Variants in RELN observed in about 807,000 individuals in gnomAD.
RELN encodes the protein reelin.
In RELN, 108 loss-of-function variants were observed where a neutral mutation model predicts 427.6. That is an observed-to-expected ratio of 0.25 (90% CI 0.22 to 0.30). The LOEUF is 0.30. Among genes scored for constraint, RELN ranks in the 10% least tolerant of loss-of-function variants. The pLI, the probability that RELN is intolerant of heterozygous loss-of-function variation, is 1.00. For synonymous variants in RELN, 1,524 were observed against 1,513.4 expected (o/e 1.01, Z -0.16); for missense variants, 3,715 against 4,302.8 (o/e 0.86, Z 3.82).
chr7:103,542,967 T>C (rs1481759486), intron 42 of RELN, 89 bp from the exon 43 acceptor site: 10 of 1,340,322 alleles, frequency 7.5e-6, no homozygotes, highest in Non-Finnish European at 1.1e-5. Context: ...AAATGCATTA[T>C]GTAGTTTCAA....
rs963575062 is a variant in RELN, at chr7:103,538,423, A to C, written c.7180+655T>G. ...CAAGTGTGCAATGATGCCAGCTTTT[A>C]TCTCTCCTACGATGGGTCTGTGTGA... On this transcript the variant is annotated intron_variant, in intron 45 of 64. Transcript: ENST00000428762. Among the ~76,000 whole-genome samples, 28 of 152,254 alleles carry C rather than the reference A, an allele frequency of 1.8e-4. 1 individual carries two copies. The East Asian group carries it at 4.4e-3, about 24-fold the overall frequency.
intron 49 of RELN, among the ~76,000 whole-genome samples, chr7:103,517,145 T>A (rs1464131003): frequency 1.3e-5 from 2 of 151,646 alleles, no homozygotes; most frequent in Non-Finnish European, 2.9e-5. Context: ...CTCATTTATG[T>A]CAATTTTGAA....
chr7:103,702,327 G>A (rs973965057), intron 8 of RELN, among the ~76,000 whole-genome samples: 1 of 152,190 alleles, frequency 6.6e-6, no homozygotes, highest in African/African-American at 2.4e-5. Flanking sequence ...GTTCAAATTA[G>A]CCTCAAGAAT....
rs1797180374 is a variant in RELN at position 103,989,460 on chromosome 7, A to C, written c.-104T>G. 2 of 1,036,902 alleles carry C rather than the reference A, an allele frequency of 1.9e-6. No homozygotes were observed. Among genetic ancestry groups the C allele is most frequent in the South Asian group, 2.4e-5 (1 of 41,080 alleles). 64.2% of individuals were successfully genotyped at this position (1,036,902 alleles called of 1,614,324 possible). On this transcript the variant is annotated 5_prime_UTR_variant, in exon 1 of 65. Coordinates refer to ENST00000428762, the MANE Select transcript of RELN (RefSeq NM_005045.4). The surrounding 1 kb of genome is among the most constrained non-coding windows in gnomAD (Gnocchi z 4.9). ...GCCACGCGGAGAGAAGGCGAGAAGAAGGCGGACGGGAGCGGAACGGGCTCG... is the reference window on the plus strand; with the variant it reads ...GCCACGCGGAGAGAAGGCGAGAAGACGGCGGACGGGAGCGGAACGGGCTCG...
intron 40 of RELN, among the ~76,000 whole-genome samples, chr7:103,552,950 T>G (rs1251560885): frequency 2.0e-5 from 3 of 152,100 alleles, no homozygotes; most frequent in African/African-American, 7.2e-5. Flanking sequence ...AATATTTTTA[T>G]GTTAATTATT....
At chr7:103,870,096 G>C (rs1794294180) in intron 2 of RELN, among the ~76,000 whole-genome samples, 1 of 151,918 alleles carries the variant, frequency 6.6e-6, no homozygotes, top group Non-Finnish European at 1.5e-5. Context: ...TTTTATTACA[G>C]TTTATTTTTC....
intron 9 of RELN, among the ~76,000 whole-genome samples, chr7:103,698,494 T>C (rs978716464): frequency 3.3e-5 from 5 of 152,096 alleles, no homozygotes; most frequent in African/African-American, 7.2e-5. Context: ...TACCCAATAA[T>C]AAGGATAAAA....
chr7:103,612,185 G>A (rs2117292712), intron 20 of RELN, among the ~76,000 whole-genome samples: 1 of 152,180 alleles, frequency 6.6e-6, no homozygotes, highest in African/African-American at 2.4e-5. Context: ...AATAGTAATT[G>A]GTAACAATGT....
intron 9 of RELN, among the ~76,000 whole-genome samples, chr7:103,700,480 A>G (rs1217734752): frequency 1.3e-5 from 2 of 152,116 alleles, no homozygotes; most frequent in African/African-American, 4.8e-5. Context: ...ACAGAACTGG[A>G]GATTAGATGT....
intron 4 of RELN, among the ~76,000 whole-genome samples, chr7:103,773,100 T>TTTTCTTTCTTTC (rs550940718): frequency 0.025 from 3,190 of 128,620 alleles, 56 homozygotes; most frequent in East Asian, 0.034. Flanking sequence ...GGTTCTCCTC[T>TTTTCTTTCTTTC]TTTCTTTCTT....
intron 3 of RELN, among the ~76,000 whole-genome samples, chr7:103,797,304 C>T (rs148649485): frequency 0.063 from 9,639 of 152,176 alleles, 533 homozygotes; most frequent in African/African-American, 0.15. Flanking sequence ...TGGGGTTTCA[C>T]CATGTTGGCT....
intron 11 of RELN, among the ~76,000 whole-genome samples, chr7:103,661,738 T>C (rs985709794): frequency 3.9e-5 from 6 of 152,208 alleles, no homozygotes; most frequent in South Asian, 2.1e-4. Context: ...TTCACAGTTA[T>C]AGTTTTCCTG....
rs540271067 is a variant in RELN, at chr7:103,574,122, C to T, written c.4481G>A (p.Arg1494Gln). Residue 1494 changes from arginine (R) to glutamine (Q), a missense_variant, in exon 30 of 65, where the codon CGG becomes CAG. Physicochemically the swap from Arg to Gln is conservative, Grantham distance 43. Around this residue, in one of 4 missense-constraint regions of RELN, gnomAD observed 2,208 missense variants for 2,361.7 expected, o/e 0.93. Coordinates refer to ENST00000428762, the MANE Select transcript of RELN (RefSeq NM_005045.4). ...YFNGPGKREA[R>Q]TVPLDTRNIR... ...ATTCCTGGTGTCCAGAGGGACCGTC[C>T]GGGCTTCCCTTTTCCCAGGGCCATT... is the stretch of plus-strand genomic sequence containing the variant. 1.7e-5 allele frequency: 27 copies of T among 1,614,082 alleles called. No individual in the cohort carries two copies. The highest frequency in any genetic ancestry group is 1.1e-4 in the East Asian group (5 of 44,878).
At chr7:103,714,066 T>A (rs1789875008) in intron 8 of RELN, among the ~76,000 whole-genome samples, 1 of 152,192 alleles carries the variant, frequency 6.6e-6, no homozygotes, top group Non-Finnish European at 1.5e-5. Context: ...GTCTTAGGCA[T>A]ATAATGCTGT....
At chr7:103,520,140 T>C (rs1354955394) in intron 48 of RELN, among the ~76,000 whole-genome samples, 1 of 152,192 alleles carries the variant, frequency 6.6e-6, no homozygotes, top group Non-Finnish European at 1.5e-5. Flanking sequence ...TTGGCTGTTT[T>C]TTTTTCATAA....
At chr7:103,955,717 T>C (rs907022734) in intron 1 of RELN, among the ~76,000 whole-genome samples, 5 of 152,204 alleles carry the variant, frequency 3.3e-5, no homozygotes, top group African/African-American at 1.2e-4. Context: ...CTTTGGCTTC[T>C]GTTTCTCTCC....
rs1797143536 is a variant in RELN at position 103,988,184 on chromosome 7, C to T, written c.226+947G>A. Among the ~76,000 whole-genome samples, 1 of 152,136 alleles carries T rather than the reference C, an allele frequency of 6.6e-6. No individual in the cohort carries two copies. Among genetic ancestry groups the T allele is most frequent in the Admixed American group, 6.5e-5 (1 of 15,280 alleles). ...TGTCGCTGCTTAAAAGCTCTATAGG[C>T]ATGAAATGTTCAGAAGTCCCAGAAG... On this transcript the variant is annotated intron_variant, in intron 1 of 64. Coordinates refer to ENST00000428762, the MANE Select transcript of RELN (RefSeq NM_005045.4). This position sits in a 1 kb window ranked among gnomAD's most constrained non-coding sequence, Gnocchi z 4.9.
At chr7:103,984,052 T>G (rs116643814) in intron 1 of RELN, among the ~76,000 whole-genome samples, 126 of 152,130 alleles carry the variant, frequency 8.3e-4, no homozygotes, top group Middle Eastern at 3.4e-3. Context: ...GCACTTGAAG[T>G]GATCAGAAAA....
intron 2 of RELN, among the ~76,000 whole-genome samples, chr7:103,880,851 C>A (rs117554660): frequency 2.6e-5 from 4 of 152,020 alleles, no homozygotes; most frequent in South Asian, 2.1e-4. Flanking sequence ...TGCCACCATG[C>A]GCAGCTAATT....
Sources: allele counts gnomAD v4.1 joint callset (sites outside exome capture counted in the v4.1 genomes callset), GRCh38; gene constraint gnomAD v4.1.1; regional missense constraint gnomAD v4.1.1; non-coding constraint Gnocchi (gnomAD v3.1); transcripts MANE v1.5; gene names NCBI Gene and HGNC (gene_info 2026-07-23, HGNC 2026-07-21).